The following NRXN1 variants were observed in gnomAD, a reference collection of about 807,000 sequenced individuals.
The protein encoded by NRXN1 is neurexin-1.
Under a neutral mutation model 150.9 loss-of-function variants are expected in NRXN1, and 39 were observed. The observed-to-expected ratio is 0.26, with a 90% CI of 0.20 to 0.34. The LOEUF (loss-of-function observed/expected upper bound fraction) is 0.34, where lower values mean the gene tolerates loss of function less well. NRXN1 is among the 10% of genes least tolerant of loss of function. The pLI is 1.00. For synonymous variants in NRXN1, 924 were observed against 757.0 expected (o/e 1.22, Z -3.62); for missense variants, 1,815 against 1,949.9 (o/e 0.93, Z 1.30).
At chr2:50,338,829 C>T (rs144122172) in intron 17 of NRXN1, among the ~76,000 whole-genome samples, 110 of 152,182 alleles carry the variant, frequency 7.2e-4, no homozygotes, top group African/African-American at 2.5e-3. Context: ...TTTTTTAGAA[C>T]AGCATCACAG....
intron 17 of NRXN1, among the ~76,000 whole-genome samples, chr2:50,261,039 A>G (rs2068216312): frequency 6.6e-6 from 1 of 151,768 alleles, no homozygotes; most frequent in Admixed American, 6.6e-5. Flanking sequence ...CATGGGTTTT[A>G]CTAAGTCTTT....
chr2:50,458,990 T>C (rs563091641), intron 17 of NRXN1, among the ~76,000 whole-genome samples: 8 of 152,256 alleles, frequency 5.3e-5, no homozygotes. Context: ...GGCATGCATA[T>C]AATACATATT....
At chr2:50,083,547 T>C (rs1220600239) in intron 19 of NRXN1, among the ~76,000 whole-genome samples, 1 of 152,186 alleles carries the variant, frequency 6.6e-6, no homozygotes, top group African/African-American at 2.4e-5. Context: ...AGCAGCAAGA[T>C]TTATTGCAAA....
chr2:50,940,833 A>T (rs562787117), intron 2 of NRXN1, among the ~76,000 whole-genome samples: 3 of 152,214 alleles, frequency 2.0e-5, no homozygotes, highest in Admixed American at 2.0e-4. Context: ...CCCTGTCCCC[A>T]AAAGGGCATC....
chr2:50,768,260 G>C (rs1168282334), intron 5 of NRXN1, among the ~76,000 whole-genome samples: 5 of 152,024 alleles, frequency 3.3e-5, no homozygotes, highest in Non-Finnish European at 7.4e-5. Context: ...AATGAAAAGG[G>C]CAGTAAAGTT....
At position 50,265,800 on chromosome 2, in the gene NRXN1, A is replaced by G. The variant is rs75340966; in HGVS notation, c.3365-28830T>C. On this transcript the variant is annotated intron_variant, in intron 17 of 22. Coordinates refer to ENST00000401669, the MANE Select transcript of NRXN1 (RefSeq NM_001330078.2). ...ACACTTAAGCAAATACATTTCACCC[A>G]GGGTTCTTGGAAGCCAGCATTCCAC... is the stretch of plus-strand genomic sequence containing the variant. 8.6e-3 allele frequency among the ~76,000 whole-genome samples: 1,303 copies of G among 152,102 alleles called. 22 individuals are homozygous for G. The highest frequency in any genetic ancestry group is 0.03 in the African/African-American group (1,258 of 41,488).
chr2:50,507,882 A>C (rs1385710700), intron 12 of NRXN1, among the ~76,000 whole-genome samples: 1 of 152,060 alleles, frequency 6.6e-6, no homozygotes, highest in Non-Finnish European at 1.5e-5. Flanking sequence ...ATTGAGAATC[A>C]GGATTGGAGT....
chr2:50,444,201 C>T (rs969317282), intron 17 of NRXN1, among the ~76,000 whole-genome samples: 3 of 152,234 alleles, frequency 2.0e-5, no homozygotes, highest in Admixed American at 6.5e-5. Context: ...AAAGTGTAGT[C>T]AAAGACATTT....
At chr2:50,774,545 T>C (rs1316489248) in intron 5 of NRXN1, among the ~76,000 whole-genome samples, 1 of 152,204 alleles carries the variant, frequency 6.6e-6, no homozygotes, top group Non-Finnish European at 1.5e-5. Flanking sequence ...ATAATGTTCA[T>C]GCAAATTCTA....
chr2:50,069,044 C>G (rs1695799385), intron 19 of NRXN1, among the ~76,000 whole-genome samples: 1 of 152,200 alleles, frequency 6.6e-6, no homozygotes, highest in South Asian at 2.1e-4. Flanking sequence ...AAAAAGCCAA[C>G]AGCCCCTGCC....
intron 18 of NRXN1, among the ~76,000 whole-genome samples, chr2:50,134,694 T>C (rs552117498): frequency 1.4e-4 from 21 of 152,252 alleles, no homozygotes; most frequent in East Asian, 3.9e-4. Context: ...CCATCACACA[T>C]ACCAATGCCT....
rs767351132 is a variant in NRXN1, at chr2:50,884,903, C to G, written c.832+36966G>C. 5.3e-5 allele frequency among the ~76,000 whole-genome samples: 8 copies of G among 151,432 alleles called. No homozygotes were observed. In the South Asian group the frequency reaches 1.3e-3, roughly 24 times the overall value. On this transcript the variant is annotated intron_variant, in intron 5 of 22. Coordinates refer to ENST00000401669, the MANE Select transcript of NRXN1 (RefSeq NM_001330078.2). ...AAGGGGGAGGGAGCGAAAATTCTGT[C>G]CTATGTTCAGTGTCTGGAAGCAAAA...
At chr2:50,110,507 A>G (rs1332001614) in intron 18 of NRXN1, among the ~76,000 whole-genome samples, 7 of 151,474 alleles carry the variant, frequency 4.6e-5, no homozygotes, top group Non-Finnish European at 8.8e-5. Flanking sequence ...AAAAAAAAAA[A>G]AAAAAGAAAG....
intron 2 of NRXN1, among the ~76,000 whole-genome samples, chr2:50,937,661 G>A (rs1015085632): frequency 1.3e-5 from 2 of 152,086 alleles, no homozygotes; most frequent in Non-Finnish European, 2.9e-5. Flanking sequence ...TGATGATGAA[G>A]ATGATGACAA....
At chr2:50,439,456 T>C (rs1275885760) in intron 17 of NRXN1, among the ~76,000 whole-genome samples, 2 of 152,230 alleles carry the variant, frequency 1.3e-5, no homozygotes, top group East Asian at 3.9e-4. Flanking sequence ...CAGTAGCAGT[T>C]CTGACAGACG....
chr2:50,533,036 G>C (rs1440758510), intron 10 of NRXN1, among the ~76,000 whole-genome samples: 1 of 152,172 alleles, frequency 6.6e-6, no homozygotes, highest in Non-Finnish European at 1.5e-5. Flanking sequence ...ATTTAGAGTT[G>C]TGGTTTTGTA....
At chr2:50,209,694 C>G (rs1158581746) in intron 18 of NRXN1, among the ~76,000 whole-genome samples, 17 of 152,080 alleles carry the variant, frequency 1.1e-4, no homozygotes, top group East Asian at 7.7e-4. Flanking sequence ...GTAAATAAGA[C>G]ATGTTTCAAT....
intron 17 of NRXN1, among the ~76,000 whole-genome samples, chr2:50,434,195 GA>G (rs2085233535): frequency 6.6e-6 from 1 of 151,634 alleles, no homozygotes; most frequent in Non-Finnish European, 1.5e-5. Context: ...AAGTAGCTGG[GA>G]CTAGAGGCGC....
intron 2 of NRXN1, among the ~76,000 whole-genome samples, chr2:51,006,938 T>C (rs1488823749): frequency 6.6e-6 from 1 of 151,918 alleles, no homozygotes; most frequent in Non-Finnish European, 1.5e-5. Flanking sequence ...TCACTCTGTA[T>C]CGTGGCTGAC....
Sources: gnomAD v4.1 joint callset for allele counts (sites outside exome capture counted in the v4.1 genomes callset) on GRCh38, gnomAD v4.1.1 for gene constraint, MANE v1.5 for transcripts, NCBI Gene and HGNC (gene_info 2026-07-23, HGNC 2026-07-21) for gene names.